SLC24A2: variants seen among roughly 807,000 people sequenced by gnomAD.
The protein encoded by SLC24A2 is solute carrier family 24 member 2.
In SLC24A2, 36 loss-of-function variants were observed where a neutral mutation model predicts 62.0. The observed-to-expected ratio is 0.58, with a 90% CI of 0.44 to 0.77. The LOEUF (loss-of-function observed/expected upper bound fraction) is 0.77, where lower values mean the gene tolerates loss of function less well. SLC24A2 is among the 30% of genes least tolerant of loss of function. The pLI is 0.00. For missense variants in SLC24A2, 846 were observed against 817.9 expected (o/e 1.03, Z -0.42); for synonymous variants, 358 against 294.0 (o/e 1.22, Z -2.23).
At chr9:19,986,259 A>G in the SLC24A2 span, among the ~76,000 whole-genome samples, 2 of 152,168 alleles carry the variant, frequency 1.3e-5, no homozygotes, top group Non-Finnish European at 1.5e-5. Flanking sequence ...GCTATAATCA[A>G]AAACTAGAAA....
the SLC24A2 span, among the ~76,000 whole-genome samples, chr9:20,210,215 C>A: frequency 6.6e-6 from 1 of 152,190 alleles, no homozygotes; most frequent in Admixed American, 6.5e-5. Context: ...CGCACCTACA[C>A]ACCCAGACCC....
At chr9:19,959,368 A>T in the SLC24A2 span, among the ~76,000 whole-genome samples, 4 of 152,346 alleles carry the variant, frequency 2.6e-5, no homozygotes, top group South Asian at 8.3e-4. Context: ...GGCTATTATC[A>T]CTGAAGTTCA....
chr9:19,520,898 C>A lies in SLC24A2; in HGVS notation c.1732G>T (p.Val578Leu), dbSNP rs1186604513. The A allele has an allele frequency of 6.2e-7, 1 of 1,613,770 alleles. No homozygotes were observed. Among genetic ancestry groups the A allele is most frequent in the Non-Finnish European group, 8.5e-7 (1 of 1,179,888 alleles). The stretch of plus-strand genomic sequence containing the variant: ...TGTAGAACTACCTCTACTCACCCTA[C>A]AGTGATGTCAAAAATGTTGCTTCCA... ...SVGSNIFDIT[V>L]GLPLPWLLYT... Residue 578 changes from valine (V) to leucine (L), a missense_variant, in exon 10 of 11, where the codon GTA (valine) becomes TTA (leucine). Coordinates refer to ENST00000341998, the MANE Select transcript of SLC24A2 (RefSeq NM_020344.4).
intron 7 of SLC24A2, among the ~76,000 whole-genome samples, chr9:19,551,978 A>T (rs1199228653): frequency 1.3e-5 from 2 of 152,218 alleles, no homozygotes; most frequent in African/African-American, 4.8e-5. Flanking sequence ...GGCAGTGGGT[A>T]AAAGAATTTG....
chr9:19,566,000 A>G (rs1365219279), intron 7 of SLC24A2, among the ~76,000 whole-genome samples: 1 of 152,002 alleles, frequency 6.6e-6, no homozygotes, highest in African/African-American at 2.4e-5. Flanking sequence ...TAGACCTAAA[A>G]CCATAAAAAC....
chr9:19,817,104 A>G, the SLC24A2 span, among the ~76,000 whole-genome samples: 5,206 of 152,214 alleles, frequency 0.034, 312 homozygotes, highest in African/African-American at 0.12. Context: ...GGAGAAGCAC[A>G]TACTATCAAA....
At chr9:19,637,223 G>A (rs905722603) in intron 2 of SLC24A2, among the ~76,000 whole-genome samples, 1 of 152,206 alleles carries the variant, frequency 6.6e-6, no homozygotes, top group Non-Finnish European at 1.5e-5. Flanking sequence ...ACACTGACAA[G>A]TTCTCAATTA....
chr9:19,921,551 C>T, the SLC24A2 span, among the ~76,000 whole-genome samples: 2 of 150,896 alleles, frequency 1.3e-5, no homozygotes, highest in Admixed American at 6.6e-5. Flanking sequence ...TTAGAACTTA[C>T]CATGCCATGT....
intron 7 of SLC24A2, among the ~76,000 whole-genome samples, chr9:19,569,163 G>A (rs1196320628): frequency 6.6e-6 from 1 of 152,036 alleles, no homozygotes; most frequent in Non-Finnish European, 1.5e-5. Context: ...TAGGCTTTGA[G>A]GTCCATATGG....
At chr9:19,932,170 A>G in the SLC24A2 span, among the ~76,000 whole-genome samples, 99 of 152,190 alleles carry the variant, frequency 6.5e-4, no homozygotes, top group East Asian at 0.014. Context: ...AGAAAAAGGA[A>G]ACCATTTAAA....
the SLC24A2 span, among the ~76,000 whole-genome samples, chr9:20,045,862 A>G: frequency 1.3e-5 from 2 of 152,190 alleles, no homozygotes; most frequent in Admixed American, 6.5e-5. Context: ...TCAAGGTGTG[A>G]GCGGTCAAGT....
the SLC24A2 span, among the ~76,000 whole-genome samples, chr9:19,845,131 T>G: frequency 1.6e-4 from 25 of 152,326 alleles, no homozygotes; most frequent in East Asian, 4.6e-3. Context: ...CAATATTGAT[T>G]CTTCCAATCC....
the SLC24A2 span, among the ~76,000 whole-genome samples, chr9:20,230,169 G>T: frequency 0.15 from 22,101 of 151,862 alleles, 2,013 homozygotes; most frequent in African/African-American, 0.26. Flanking sequence ...GTCCTTCCTA[G>T]GGTGAATAGT....
the SLC24A2 span, among the ~76,000 whole-genome samples, chr9:20,236,624 C>T: frequency 1.4e-4 from 21 of 152,138 alleles, no homozygotes; most frequent in Admixed American, 2.6e-4. Flanking sequence ...CCAAGCTTTA[C>T]GACCAGCAAA....
At chr9:19,803,207 A>G in the SLC24A2 span, among the ~76,000 whole-genome samples, 3 of 152,248 alleles carry the variant, frequency 2.0e-5, no homozygotes, top group Non-Finnish European at 4.4e-5. Context: ...TTAAGAAGAT[A>G]TGTACTGAAA....
chr9:20,058,744 C>T, the SLC24A2 span, among the ~76,000 whole-genome samples: 3 of 152,216 alleles, frequency 2.0e-5, no homozygotes, highest in South Asian at 2.1e-4. Context: ...CTCTTCTGGG[C>T]AACAGGGTGA....
Position 19,520,881 on chromosome 9 carries a change from T to C in SLC24A2, c.1736+13A>G, listed in dbSNP as rs768741421. 1.7e-5 allele frequency: 27 copies of C among 1,613,370 alleles called. No homozygotes were observed. Among genetic ancestry groups the C allele is most frequent in the Non-Finnish European group, 2.2e-5 (26 of 1,179,430 alleles). On this transcript the variant is annotated intron_variant, in intron 10 of 10. Transcript: ENST00000341998. ...GAGCTGGTGCACACCTTTGTAGAAC[T>C]ACCTCTACTCACCCTACAGTGATGT...
chr9:19,950,604 A>G, the SLC24A2 span, among the ~76,000 whole-genome samples: 2 of 152,224 alleles, frequency 1.3e-5, no homozygotes, highest in Non-Finnish European at 2.9e-5. Flanking sequence ...TTCGATGAAC[A>G]TTTATTAAGC....
At chr9:19,667,419 T>C (rs1458645526) in intron 2 of SLC24A2, among the ~76,000 whole-genome samples, 3 of 152,220 alleles carry the variant, frequency 2.0e-5, no homozygotes, top group African/African-American at 7.2e-5. Flanking sequence ...TTCATTCTTA[T>C]TGCCCAGGTC....
Sources: allele counts gnomAD v4.1 joint callset (sites outside exome capture counted in the v4.1 genomes callset), GRCh38; gene constraint gnomAD v4.1.1; transcripts MANE v1.5; gene names NCBI Gene and HGNC (gene_info 2026-07-23, HGNC 2026-07-21).